CEMIP: variants seen among roughly 807,000 people sequenced by gnomAD.
The protein encoded by CEMIP is cell migration inducing hyaluronidase 1.
Under a neutral mutation model 156.9 loss-of-function variants are expected in CEMIP, and 105 were observed. That is an observed-to-expected ratio of 0.67 (90% CI 0.57 to 0.79). The LOEUF (loss-of-function observed/expected upper bound fraction) is 0.79, where lower values mean the gene tolerates loss of function less well. CEMIP is among the 30% of genes least tolerant of loss of function. The probability of loss-of-function intolerance (pLI) is 0.00; values close to 1 mark genes in which losing one functional copy is unlikely to be tolerated. For missense variants in CEMIP, 1,457 were observed against 1,769.4 expected (o/e 0.82, Z 3.17); for synonymous variants, 676 against 668.4 (o/e 1.01, Z -0.17).
intron 13 of CEMIP, among the ~76,000 whole-genome samples, chr15:80,908,272 T>C (rs1899889921): frequency 6.6e-6 from 1 of 152,178 alleles, no homozygotes; most frequent in South Asian, 2.1e-4. Context: ...CAGGGGACTC[T>C]TTCCCACTGA....
Position 80,921,013 on chromosome 15 carries a change from A to G in CEMIP, c.2004-19A>G, listed in dbSNP as rs1900451591. 4 of 1,613,096 alleles carry G rather than the reference A, an allele frequency of 2.5e-6. No homozygotes were observed. Among genetic ancestry groups the G allele is most frequent in the Non-Finnish European group, 3.4e-6 (4 of 1,179,056 alleles). On this transcript the variant is annotated intron_variant, in intron 15 of 29. Transcript: ENST00000394685. The stretch of plus-strand genomic sequence containing the variant: ...GGCGGCCCTTTATCTGATCTCAGGT[A>G]TCTCTGCCCTCCCTGCAGTGCTGTG...
chr15:80,779,610 C>T lies in CEMIP; in HGVS notation c.-180C>T, dbSNP rs1453636625. ...CGTGACACTGTCTCGGCTACAGACC[C>T]AGAGGTAAGAGGGCCTGGCTGGGGG... On this transcript the variant is annotated 5_prime_UTR_variant, in exon 1 of 30. Coordinates refer to ENST00000394685, the MANE Select transcript of CEMIP (RefSeq NM_001293298.2). 1.3e-5 allele frequency: 2 copies of T among 152,164 alleles called. No individual in the cohort carries two copies. Among genetic ancestry groups the T allele is most frequent in the East Asian group, 3.9e-4 (2 of 5,142 alleles). 9.4% of individuals were successfully genotyped at this position (152,164 alleles called of 1,614,324 possible). A position where few individuals can be genotyped will look rare whatever the true frequency, so the allele number is the denominator to read the frequency against.
rs745812845 is a variant in CEMIP at position 80,936,850 on chromosome 15, C to G, written c.3186C>G (p.Pro1062=). The G allele has an allele frequency of 6.2e-7, 1 of 1,614,076 alleles. No individual in the cohort carries two copies. The highest frequency in any genetic ancestry group is 1.3e-5 in the African/African-American group (1 of 74,940). ...CCATCCACTGGGACCAGACGGCCCCCGCCGAACTCGCCATCTGGCTCATCA... is the reference window on the plus strand; with the variant it reads ...CCATCCACTGGGACCAGACGGCCCCGGCCGAACTCGCCATCTGGCTCATCA... ...GYTIHWDQTA[P]AELAIWLINF... Residue 1062 remains proline, a synonymous_variant, in exon 24 of 30, where the codon CCC becomes CCG. Coordinates refer to ENST00000394685, the MANE Select transcript of CEMIP (RefSeq NM_001293298.2).
At chr15:80,782,598 TC>T (rs1368681152) in intron 1 of CEMIP, among the ~76,000 whole-genome samples, 2 of 152,072 alleles carry the variant, frequency 1.3e-5, no homozygotes, top group East Asian at 1.9e-4. Context: ...TAGAGTTTTC[TC>T]CCCCCACAAA....
intron 1 of CEMIP, among the ~76,000 whole-genome samples, chr15:80,812,197 G>A (rs1432821756): frequency 1.3e-5 from 2 of 152,260 alleles, no homozygotes; most frequent in East Asian, 1.9e-4. Context: ...GTTTTAACCC[G>A]AGTTGTTTGT....
At chr15:80,883,890 C>T (rs1295071661) in intron 6 of CEMIP, among the ~76,000 whole-genome samples, 1 of 152,240 alleles carries the variant, frequency 6.6e-6, no homozygotes, top group Non-Finnish European at 1.5e-5. Context: ...ACCCACTCAA[C>T]ATCCTGGAGC....
chr15:80,890,507 T>C (rs546117792), intron 10 of CEMIP, among the ~76,000 whole-genome samples: 1 of 150,240 alleles, frequency 6.7e-6, no homozygotes, highest in South Asian at 2.1e-4. Context: ...GAGAATTGCG[T>C]AAACAGGAGG....
intron 1 of CEMIP, among the ~76,000 whole-genome samples, chr15:80,816,351 A>T (rs1438871078): frequency 1.3e-5 from 2 of 152,136 alleles, no homozygotes; most frequent in Non-Finnish European, 2.9e-5. Context: ...TGGGTCCTTG[A>T]GGGAGGCAGG....
chr15:80,817,602 AAATAATAATAATAATAATAAT>A (rs59356064), intron 1 of CEMIP, among the ~76,000 whole-genome samples: 1 of 138,760 alleles, frequency 7.2e-6, no homozygotes, highest in East Asian at 2.1e-4. Flanking sequence ...CCCTGTCTCA[AAATAATAATAATAATAATAAT>A]AATAATAATA....
chr15:80,844,152 C>T (rs1897497914), intron 1 of CEMIP, among the ~76,000 whole-genome samples: 1 of 152,248 alleles, frequency 6.6e-6, no homozygotes, highest in Non-Finnish European at 1.5e-5. Flanking sequence ...AGCCCCGGGC[C>T]AACCTCCCTG....
rs981372347 is a variant in CEMIP at position 80,948,446 on chromosome 15, G to A, written c.3959-351G>A. On this transcript the variant is annotated intron_variant, in intron 29 of 29. Transcript: ENST00000394685. ...GAACACTGGGCTTCAGAGAGGGGCAGGGACTTGCTGGTTGTCCTAGGGGCA... is the reference window on the plus strand; with the variant it reads ...GAACACTGGGCTTCAGAGAGGGGCAAGGACTTGCTGGTTGTCCTAGGGGCA... 3 of 368,702 alleles carry A rather than the reference G, an allele frequency of 8.1e-6. No homozygotes were observed. The East Asian group carries it at 2.0e-4, about 24-fold the overall frequency. 22.8% of individuals were successfully genotyped at this position (368,702 alleles called of 1,614,324 possible).
At chr15:80,875,653 A>C (rs147545010) in intron 3 of CEMIP, among the ~76,000 whole-genome samples, 1 of 152,284 alleles carries the variant, frequency 6.6e-6, no homozygotes, top group East Asian at 1.9e-4. Flanking sequence ...GGGATGTAGA[A>C]GCCAACCCTT....
chr15:80,802,698 T>C (rs1257131490), intron 1 of CEMIP, among the ~76,000 whole-genome samples: 1 of 152,258 alleles, frequency 6.6e-6, no homozygotes, highest in Non-Finnish European at 1.5e-5. Flanking sequence ...GGAAGACTTC[T>C]GACATGTTCA....
chr15:80,936,883 CAAGT>C lies in CEMIP; in HGVS notation c.3220_3221+2del. The C allele has an allele frequency of 6.2e-7, 1 of 1,613,940 alleles. No individual in the cohort carries two copies. Among genetic ancestry groups the C allele is most frequent in the African/African-American group, 1.3e-5 (1 of 75,058 alleles). On this transcript the variant is annotated splice_donor_variant and coding_sequence_variant, in exon 24 of 30. Transcript: ENST00000394685. LOFTEE classifies it high-confidence loss of function. ...TCGCCATCTGGCTCATCAACTTCAA[CAAGT>C]GAGTGGGTGTCCAGCCAGGAGCAGT...
intron 1 of CEMIP, among the ~76,000 whole-genome samples, chr15:80,792,352 G>A (rs971723421): frequency 2.6e-5 from 4 of 152,112 alleles, no homozygotes; most frequent in Admixed American, 2.6e-4. Flanking sequence ...TCTTCCTTGG[G>A]TTGTAGAATA....
chr15:80,788,803 C>T (rs185152491), intron 1 of CEMIP, among the ~76,000 whole-genome samples: 23 of 152,148 alleles, frequency 1.5e-4, no homozygotes, highest in African/African-American at 4.1e-4. Context: ...ATCTCTCTTC[C>T]GCTCCAACTG....
chr15:80,786,194 C>T (rs1895933195), intron 1 of CEMIP, among the ~76,000 whole-genome samples: 1 of 152,020 alleles, frequency 6.6e-6, no homozygotes, highest in African/African-American at 2.4e-5. Flanking sequence ...GCAGTCATAT[C>T]AATAGTGTTA....
chr15:80,817,689 G>A (rs1440123641), intron 1 of CEMIP, among the ~76,000 whole-genome samples: 1 of 151,660 alleles, frequency 6.6e-6, no homozygotes, highest in African/African-American at 2.4e-5. Context: ...GGGGTATGTG[G>A]CTGTGAGGAT....
At position 80,889,633 on chromosome 15, in the gene CEMIP, GT is replaced by G. The variant is rs1567085169; in HGVS notation, c.1086+45del. The G allele has an allele frequency of 1.9e-6, 3 of 1,611,094 alleles. No homozygotes were observed. In the East Asian group the frequency reaches 6.7e-5, roughly 36 times the overall value. ...CAAAAATAGAAAATAGAAATGTGTT[GT>G]TTTGAAGAAGACTCTATAGATCACA... On this transcript the variant is annotated intron_variant, in intron 10 of 29. Coordinates refer to ENST00000394685, the MANE Select transcript of CEMIP (RefSeq NM_001293298.2).
Sources: allele counts gnomAD v4.1 joint callset (sites outside exome capture counted in the v4.1 genomes callset), GRCh38; gene constraint gnomAD v4.1.1; transcripts MANE v1.5; gene names NCBI Gene and HGNC (gene_info 2026-07-23, HGNC 2026-07-21).